Variants in KIF26A observed in about 807,000 individuals in gnomAD.
The protein encoded by KIF26A is kinesin family member 26A.
Under a neutral mutation model 126.0 loss-of-function variants are expected in KIF26A, and 74 were observed. The ratio of observed to expected loss-of-function variants is 0.59; its 90% confidence interval spans 0.49 to 0.71. The LOEUF is 0.71. Among genes scored for constraint, KIF26A ranks in the 30% least tolerant of loss-of-function variants. KIF26A has a pLI of 0.00. For synonymous variants in KIF26A, 1,445 were observed against 1,232.7 expected, an observed-to-expected ratio of 1.17 and a Z score of -3.61; for missense variants, 2,984 against 2,763.3, an observed-to-expected ratio of 1.08 and a Z score of -1.79.
chr14:104,173,669 C>A (rs770128312), intron 9 of KIF26A, 37 bp from the exon 10 acceptor site: 1 of 1,604,698 alleles, frequency 6.2e-7, no homozygotes, highest in Non-Finnish European at 8.5e-7. Context: ...CTGGGGGCCC[C>A]TGGCTACACC....
chr14:104,166,180 AG>A (rs2037898656), intron 4 of KIF26A, among the ~76,000 whole-genome samples: 1 of 150,510 alleles, frequency 6.6e-6, no homozygotes, highest in Non-Finnish European at 1.5e-5. Flanking sequence ...CGAGGGTGGC[AG>A]GGGCCCAGGA....
rs970140343 is a variant in KIF26A at position 104,148,058 on chromosome 14, C to G, written c.289-3957C>G. ...TTACCTGGCGGGGAGGTTTGATCAGCTGTTCTTTCCCATGGGCAGTGGCTT... is the reference window on the plus strand; with the variant it reads ...TTACCTGGCGGGGAGGTTTGATCAGGTGTTCTTTCCCATGGGCAGTGGCTT... On this transcript the variant is annotated intron_variant, in intron 2 of 14. Transcript: ENST00000423312. This position sits in a 1 kb window ranked among gnomAD's most constrained non-coding sequence, Gnocchi z 4.3. Among the ~76,000 whole-genome samples, 2 of 152,214 alleles carry G rather than the reference C, an allele frequency of 1.3e-5. No individual in the cohort carries two copies. Among genetic ancestry groups the G allele is most frequent in the African/African-American group, 4.8e-5 (2 of 41,462 alleles).
chr14:104,166,889 G>A lies in KIF26A; in HGVS notation c.954G>A (p.Lys318=). The change falls in exon 5 of 15, where the codon AAG becomes AAA. Residue 318 remains lysine, a synonymous_variant. Transcript: ENST00000423312. ...RAMQKLSLAS[K]RKKPHPPPPP... is the part of the protein sequence containing the mutation. ...TGCAGAAGCTCAGCCTGGCCTCCAAGAGGAAGAAGCCCCACCCGCCACCGC... is the reference window on the plus strand; with the variant it reads ...TGCAGAAGCTCAGCCTGGCCTCCAAAAGGAAGAAGCCCCACCCGCCACCGC... 6.3e-7 allele frequency: 1 copy of A among 1,585,242 alleles called. No homozygotes were observed. Among genetic ancestry groups the A allele is most frequent in the Non-Finnish European group, 8.6e-7 (1 of 1,166,974 alleles).
intron 2 of KIF26A, among the ~76,000 whole-genome samples, chr14:104,146,677 G>A (rs2037683047): frequency 1.3e-5 from 2 of 152,192 alleles, no homozygotes; most frequent in African/African-American, 4.8e-5. Flanking sequence ...CATGGGGAGG[G>A]CCCTGGGAAG....
At chr14:104,142,449 G>A (rs1218557844) in intron 2 of KIF26A, among the ~76,000 whole-genome samples, 1 of 151,998 alleles carries the variant, frequency 6.6e-6, no homozygotes, top group African/African-American at 2.4e-5. Flanking sequence ...GGCCTCCTGT[G>A]GCCTCCAGGG....
rs1381772350 is a variant in KIF26A at position 104,179,834 on chromosome 14, G to A, written c.*44G>A. 1.4e-6 allele frequency: 2 copies of A among 1,477,500 alleles called. No individual in the cohort carries two copies. Among genetic ancestry groups the A allele is most frequent in the Non-Finnish European group, 1.8e-6 (2 of 1,113,440 alleles). 91.5% of individuals were successfully genotyped at this position (1,477,500 alleles called of 1,614,324 possible). On this transcript the variant is annotated 3_prime_UTR_variant, in exon 15 of 15. Coordinates refer to ENST00000423312, the MANE Select transcript of KIF26A (RefSeq NM_015656.2). ...AGGAGGGGGCGTGCAGCGGGCTGGAGGACGGGACGTGGGACGGAGCGAGGA... is the reference window on the plus strand; with the variant it reads ...AGGAGGGGGCGTGCAGCGGGCTGGAAGACGGGACGTGGGACGGAGCGAGGA...
intron 2 of KIF26A, among the ~76,000 whole-genome samples, chr14:104,141,672 G>T (rs962608766): frequency 4.6e-5 from 7 of 151,214 alleles, no homozygotes; most frequent in Non-Finnish European, 1.5e-5. Context: ...CAGCCTGCCG[G>T]GGTCTCCCTG....
In KIF26A at chr14:104,176,507, A is replaced by G. The variant is rs1448514978; in HGVS notation, c.3719A>G (p.Glu1240Gly). 1 of 1,605,422 alleles carries G rather than the reference A, an allele frequency of 6.2e-7. No homozygotes were observed. Residue 1240 changes from glutamate to glycine, a missense_variant, in exon 12 of 15, where the codon GAG becomes GGG. Transcript: ENST00000423312. ...CCACCTGGCCGTGGAGGCCTGTTTG[A>G]GGACCCATGGCTGCTCCGGGTAGGG... Reference protein sequence around the residue: ...QSPPGRGGLFEDPWLLRVGEC... With the variant: ...QSPPGRGGLFGDPWLLRVGEC...
intron 4 of KIF26A, among the ~76,000 whole-genome samples, chr14:104,166,638 A>C (rs968502125): frequency 1.3e-5 from 2 of 152,000 alleles, no homozygotes; most frequent in Non-Finnish European, 2.9e-5. Flanking sequence ...CTTGGTGTGA[A>C]TGCTGGGCAG....
Position 104,152,217 on chromosome 14 carries a change from C to A in KIF26A, c.491C>A (p.Pro164His), listed in dbSNP as rs758184738. Residue 164 changes from proline to histidine, a missense_variant, in exon 3 of 15, where the codon CCC (proline) becomes CAC (histidine). Coordinates refer to ENST00000423312, the MANE Select transcript of KIF26A (RefSeq NM_015656.2). This position sits in a 1 kb window ranked among gnomAD's most constrained non-coding sequence, Gnocchi z 5.9. Reference protein sequence around the residue: ...APHGGPSLAPPSTTTSSRDTP... With the variant: ...APHGGPSLAPHSTTTSSRDTP... ...CATGGAGGCCCCAGCCTCGCACCCC[C>A]CAGCACCACGACCAGCTCGAGGGAC... 1.2e-6 allele frequency: 2 copies of A among 1,601,864 alleles called. No individual in the cohort carries two copies. The highest frequency in any genetic ancestry group is 3.4e-5 in the Admixed American group (2 of 58,832).
At position 104,172,610 on chromosome 14, in the gene KIF26A, C is replaced by G. The variant is rs770890434; in HGVS notation, c.1362C>G (p.Leu454=). 1.2e-6 allele frequency: 2 copies of G among 1,613,208 alleles called. No homozygotes were observed. Among genetic ancestry groups the G allele is most frequent in the Non-Finnish European group, 1.7e-6 (2 of 1,179,790 alleles). ...GCTCGGGGACCGTGGCCGACGTGCTCCAGTCGGTGGTCAGTGGGGCTGATG... is the reference window on the plus strand; with the variant it reads ...GCTCGGGGACCGTGGCCGACGTGCTGCAGTCGGTGGTCAGTGGGGCTGATG... ...EVCSGTVADV[L]QSVVSGADGC... Residue 454 remains leucine (L), a synonymous_variant, in exon 7 of 15, where the codon CTC becomes CTG. Transcript: ENST00000423312.
rs564286795 is a variant in KIF26A, at chr14:104,157,696, A to AG, written c.736-54dup. 296 of 1,527,014 alleles carry AG rather than the reference A, an allele frequency of 1.9e-4. 1 individual carries two copies. In the East Asian group the frequency reaches 7.0e-3, roughly 36 times the overall value. The allele number at this position is 1,527,014 out of a possible 1,614,324, so 94.6% of individuals were successfully genotyped here. ...GCCTGTCTCTCCCACTCCGGGTGCC[A>AG]GGGGGCAGTGGTGTCTCTGCCCTTG... On this transcript the variant is annotated intron_variant, in intron 3 of 14. Coordinates refer to ENST00000423312, the MANE Select transcript of KIF26A (RefSeq NM_015656.2).
intron 4 of KIF26A, among the ~76,000 whole-genome samples, chr14:104,165,279 ATGTG>A (rs1162914676): frequency 2.1e-5 from 3 of 140,110 alleles, no homozygotes; most frequent in African/African-American, 5.5e-5. Context: ...ATCTCTATGC[ATGTG>A]TGTGTCTCTG....
intron 4 of KIF26A, among the ~76,000 whole-genome samples, chr14:104,163,867 G>A (rs1223379828): frequency 6.6e-6 from 1 of 152,030 alleles, no homozygotes; most frequent in Non-Finnish European, 1.5e-5. Context: ...GAGGCGGCGG[G>A]TGGGCTTCCC....
Position 104,152,263 on chromosome 14 carries a change from T to C in KIF26A, c.537T>C (p.Pro179=). ...SSRDTPGPAG[P]AGRQPGRAGP... ...GGGACACGCCAGGACCAGCGGGTCC[T>C]GCAGGGAGGCAGCCAGGACGAGCTG... Residue 179 remains proline, a synonymous_variant, in exon 3 of 15, where the codon CCT becomes CCC. Coordinates refer to ENST00000423312, the MANE Select transcript of KIF26A (RefSeq NM_015656.2). The surrounding 1 kb of genome is among the most constrained non-coding windows in gnomAD (Gnocchi z 5.9). The C allele has an allele frequency of 1.3e-6, 2 of 1,593,930 alleles. No individual in the cohort carries two copies. Among genetic ancestry groups the C allele is most frequent in the Non-Finnish European group, 1.7e-6 (2 of 1,172,514 alleles).
intron 4 of KIF26A, among the ~76,000 whole-genome samples, chr14:104,165,139 G>A (rs1339425484): frequency 7.6e-6 from 1 of 131,372 alleles, no homozygotes; most frequent in Non-Finnish European, 1.6e-5. Flanking sequence ...ATGTCTCTGT[G>A]TGTTTCTGTA....
At chr14:104,142,597 T>A (rs1203746487) in intron 2 of KIF26A, among the ~76,000 whole-genome samples, 1 of 152,090 alleles carries the variant, frequency 6.6e-6, no homozygotes, top group Non-Finnish European at 1.5e-5. Context: ...TGCCCCCAAC[T>A]CTGAGATGTC....
At position 104,138,781 on chromosome 14, in the gene KIF26A, C is replaced by A. The variant is rs1272488671; in HGVS notation, c.42+17C>A. The A allele has an allele frequency of 7.9e-7, 1 of 1,261,744 alleles. No individual in the cohort carries two copies. The highest frequency in any genetic ancestry group is 9.9e-7 in the Non-Finnish European group (1 of 1,006,876). 78.2% of individuals were successfully genotyped at this position (1,261,744 alleles called of 1,614,324 possible). ...CAGCCCGCGGTACGCGCGGCCCGGC[C>A]TGGAGAGGGAGGCGGGCGGCGGGGG... is the stretch of plus-strand genomic sequence containing the variant. On this transcript the variant is annotated intron_variant, in intron 1 of 14. Transcript: ENST00000423312.
In KIF26A at chr14:104,173,205, T is replaced by G. The variant is rs1424327678; in HGVS notation, c.1649T>G (p.Val550Gly). The G allele has an allele frequency of 6.2e-7, 1 of 1,610,696 alleles. No homozygotes were observed. Among genetic ancestry groups the G allele is most frequent in the African/African-American group, 1.3e-5 (1 of 74,912 alleles). The change falls in exon 8 of 15, where the codon GTG becomes GGG. Residue 550 changes from valine (V) to glycine (G), a missense_variant. Val to Gly is a moderately radical substitution (Grantham distance 109, BLOSUM62 -3). Coordinates refer to ENST00000423312, the MANE Select transcript of KIF26A (RefSeq NM_015656.2). ...CTCCAGGACACCCAGTCTCCGGGAG[T>G]GTACCTGCGGGAGGACCCCGTGTGT... ...GSLQDTQSPGVYLREDPVCGA... is the reference protein window; with the variant it reads ...GSLQDTQSPGGYLREDPVCGA...
Sources: allele counts gnomAD v4.1 joint callset (sites outside exome capture counted in the v4.1 genomes callset), GRCh38; gene constraint gnomAD v4.1.1; non-coding constraint Gnocchi (gnomAD v3.1); transcripts MANE v1.5; gene names NCBI Gene and HGNC (gene_info 2026-07-23, HGNC 2026-07-21).